The following ADGRD1 variants were observed in gnomAD, a reference collection of about 807,000 sequenced individuals.
The protein encoded by ADGRD1 is G-protein coupled receptor 133.
A neutral mutation model predicts 113.4 loss-of-function variants in ADGRD1; 77 were observed. That is an observed-to-expected ratio of 0.68 (90% CI 0.57 to 0.82). The LOEUF is 0.82. Ranked by LOEUF, ADGRD1 falls within the 40% of genes least tolerant of loss-of-function variation. The pLI is 0.00. For missense variants in ADGRD1, 1,036 were observed against 1,139.1 expected (o/e 0.91, Z 1.30); for synonymous variants, 474 against 475.0 (o/e 1.00, Z 0.03).
chr12:130,992,159 G>T, intron 7 of ADGRD1, 78 bp from the exon 8 acceptor site: 3 of 1,079,212 alleles, frequency 2.8e-6, no homozygotes, highest in Admixed American at 2.2e-5. Flanking sequence ...ATTCGACCCA[G>T]AGTAGGACAC....
Position 130,982,129 on chromosome 12 carries a change from G to A in ADGRD1, c.490+66G>A, listed in dbSNP as rs567540656. 178 of 1,400,854 alleles carry A rather than the reference G, an allele frequency of 1.3e-4. No individual in the cohort carries two copies. In the African/African-American group the frequency reaches 2.1e-3, roughly 16 times the overall value. 86.8% of individuals were successfully genotyped at this position (1,400,854 alleles called of 1,614,324 possible). ...AGTGGAGTCTTCTCTGAGAATGGAC[G>A]CTGAGAAGCCCAACGCAGCCCAAGG... On this transcript the variant is annotated intron_variant, in intron 5 of 24. Coordinates refer to ENST00000261654, the MANE Select transcript of ADGRD1 (RefSeq NM_198827.5).
chr12:131,124,141 C>G (rs977235773), intron 20 of ADGRD1, among the ~76,000 whole-genome samples: 1 of 152,224 alleles, frequency 6.6e-6, no homozygotes, highest in Non-Finnish European at 1.5e-5. Context: ...GGTCTTGTCC[C>G]TCTCACGTCT....
intron 18 of ADGRD1, among the ~76,000 whole-genome samples, chr12:131,115,197 T>C (rs1431980613): frequency 6.6e-6 from 1 of 152,166 alleles, no homozygotes; most frequent in Non-Finnish European, 1.5e-5. Context: ...TACATGTCCA[T>C]GGTGGCCCGT....
chr12:131,026,923 T>TG (rs1780560521), intron 13 of ADGRD1: 1 of 152,224 alleles, frequency 6.6e-6, no homozygotes, highest in African/African-American at 2.4e-5. Context: ...TGTTTCCAGT[T>TG]GCGGACTATT....
chr12:131,002,851 C>G, intron 9 of ADGRD1: 1 of 1,244,762 alleles, frequency 8.0e-7, no homozygotes, highest in Non-Finnish European at 1.0e-6. Flanking sequence ...GGGGGAGGGT[C>G]TGGGATGTGC....
chr12:131,035,431 G>A (rs11061297), intron 13 of ADGRD1: 8,458 of 152,382 alleles, frequency 0.056, 453 homozygotes, highest in African/African-American at 0.14. Flanking sequence ...GAGCTGCTCC[G>A]GGTGACACAG....
chr12:131,000,406 G>T lies in ADGRD1; in HGVS notation c.990G>T (p.Glu330Asp). Residue 330 changes from glutamate to aspartate, a missense_variant, in exon 9 of 25, where the codon GAG (glutamate) becomes GAT (aspartate). Glu to Asp is a conservative substitution (Grantham distance 45). Coordinates refer to ENST00000261654, the MANE Select transcript of ADGRD1 (RefSeq NM_198827.5). ...AGACCTTCTTAAAAGCCGTGGGAGA[G>T]ATCCTTCTACTGCCTGGTTGGATTG... ...LTKTFLKAVGEILLLPGWIAL... is the reference protein window; with the variant it reads ...LTKTFLKAVGDILLLPGWIAL... 2 of 1,613,190 alleles carry T rather than the reference G, an allele frequency of 1.2e-6. No homozygotes were observed. Among genetic ancestry groups the T allele is most frequent in the Non-Finnish European group, 1.7e-6 (2 of 1,179,416 alleles).
chr12:130,968,490 A>T (rs1871263558), intron 3 of ADGRD1: 1 of 158,396 alleles, frequency 6.3e-6, no homozygotes, highest in East Asian at 1.9e-4. Context: ...TAGCTTTGGC[A>T]AGCCTTTTGA....
chr12:130,991,399 G>A lies in ADGRD1; in HGVS notation c.810+321G>A, dbSNP rs750767911. ...CTTGGCTTCTCTCTATGCCCTTTTC[G>A]TTTGATGTTAGAGAAAAGTTCAATT... On this transcript the variant is annotated intron_variant, in intron 7 of 24. Coordinates refer to ENST00000261654, the MANE Select transcript of ADGRD1 (RefSeq NM_198827.5). Among the ~76,000 whole-genome samples the A allele has an allele frequency of 3.3e-5, 5 of 152,014 alleles. No individual in the cohort carries two copies. The East Asian group carries it at 7.7e-4, about 23-fold the overall frequency.
At chr12:131,021,316 C>T (rs919746108) in intron 13 of ADGRD1, among the ~76,000 whole-genome samples, 2 of 152,112 alleles carry the variant, frequency 1.3e-5, no homozygotes, top group African/African-American at 4.8e-5. Context: ...TTAGTTGTCA[C>T]GTCTCCTAGG....
chr12:131,138,367 G>A (rs1048256917), intron 24 of ADGRD1, 138 bp downstream of exon 24: 2 of 682,994 alleles, frequency 2.9e-6, no homozygotes, highest in Non-Finnish European at 5.2e-6. Flanking sequence ...ATGCCTGCAG[G>A]CTGCACGTGC....
chr12:131,103,332 T>A (rs1725807), intron 15 of ADGRD1, among the ~76,000 whole-genome samples: 38,687 of 152,308 alleles, frequency 0.25, 6,245 homozygotes, highest in East Asian at 0.66. Context: ...CAAGCACTGG[T>A]TCTCAGAGAA....
intron 14 of ADGRD1, among the ~76,000 whole-genome samples, chr12:131,078,677 A>G (rs1458615639): frequency 6.6e-6 from 1 of 152,220 alleles, no homozygotes; most frequent in Non-Finnish European, 1.5e-5. Context: ...CCCCAAATTT[A>G]TAGTTATTAG....
intron 15 of ADGRD1, among the ~76,000 whole-genome samples, chr12:131,101,373 C>CTTTTTTTTTT (rs796951608): frequency 6.3e-5 from 5 of 79,360 alleles, no homozygotes; most frequent in Middle Eastern, 0.01. Context: ...CTTTTTCTTT[C>CTTTTTTTTTT]TTTCTTTTTT....
chr12:131,132,420 T>C (rs1950957603), intron 21 of ADGRD1, among the ~76,000 whole-genome samples: 2 of 152,104 alleles, frequency 1.3e-5, no homozygotes, highest in Admixed American at 6.5e-5. Context: ...GTGACAGAAA[T>C]CCCAGCATGC....
chr12:131,006,112 C>T, intron 12 of ADGRD1, 65 bp downstream of exon 12: 3 of 1,326,608 alleles, frequency 2.3e-6, no homozygotes, highest in Non-Finnish European at 3.3e-6. Flanking sequence ...TGGCTGGCCA[C>T]AGGGATGCCC....
intron 13 of ADGRD1, among the ~76,000 whole-genome samples, chr12:131,053,607 G>GTCA (rs1447678252): frequency 6.6e-6 from 1 of 152,170 alleles, no homozygotes; most frequent in Non-Finnish European, 1.5e-5. Flanking sequence ...ATCAGTCAAA[G>GTCA]TCAATGAACC....
chr12:130,987,489 A>C, intron 6 of ADGRD1, 140 bp downstream of exon 6: 2 of 863,652 alleles, frequency 2.3e-6, no homozygotes, highest in Non-Finnish European at 3.5e-6. Flanking sequence ...CCTTATAAAC[A>C]CAGTTGTGTG....
At chr12:130,991,249 G>A in intron 7 of ADGRD1, 171 bp downstream of exon 7, 1 of 528,910 alleles carries the variant, frequency 1.9e-6, no homozygotes, top group Non-Finnish European at 3.3e-6. Context: ...AATTCTTGGT[G>A]CTAAGAGTGA....
Sources: gnomAD v4.1 joint callset for allele counts (sites outside exome capture counted in the v4.1 genomes callset) on GRCh38, gnomAD v4.1.1 for gene constraint, MANE v1.5 for transcripts, NCBI Gene and HGNC (gene_info 2026-07-23, HGNC 2026-07-21) for gene names.